The following LRRC4C variants were observed in gnomAD, a reference collection of about 807,000 sequenced individuals.
LRRC4C encodes the protein leucine-rich repeat-containing protein 4C.
In LRRC4C, 5 loss-of-function variants were observed where a neutral mutation model predicts 33.6. The observed-to-expected ratio is 0.15, with a 90% CI of 0.08 to 0.31. The LOEUF is 0.31. Ranked by LOEUF, LRRC4C falls within the 10% of genes least tolerant of loss-of-function variation. The pLI is 1.00. For missense variants in LRRC4C, 560 were observed against 796.7 expected, an observed-to-expected ratio of 0.70 and a Z score of 3.58; for synonymous variants, 329 against 302.0, an observed-to-expected ratio of 1.09 and a Z score of -0.93.
At chr11:41,330,681 C>T (rs1175356616) in intron 1 of LRRC4C, among the ~76,000 whole-genome samples, 1 of 152,110 alleles carries the variant, frequency 6.6e-6, no homozygotes, top group South Asian at 2.1e-4. Context: ...AAGCCATCCT[C>T]CCACCTCAGC....
At chr11:40,190,328 A>G (rs902750059) in intron 5 of LRRC4C, among the ~76,000 whole-genome samples, 3 of 152,218 alleles carry the variant, frequency 2.0e-5, no homozygotes, top group Non-Finnish European at 4.4e-5. Context: ...CAGATAAAAT[A>G]AAATTCTTAG....
chr11:40,946,953 T>C (rs945463245), intron 1 of LRRC4C, among the ~76,000 whole-genome samples: 1 of 152,086 alleles, frequency 6.6e-6, no homozygotes. Context: ...TAGAAATCAA[T>C]ACCAAATAGA....
At chr11:41,399,571 G>A (rs1953949863) in intron 1 of LRRC4C, among the ~76,000 whole-genome samples, 1 of 151,990 alleles carries the variant, frequency 6.6e-6, no homozygotes, top group Admixed American at 6.6e-5. Flanking sequence ...GAATTCCTCA[G>A]CATTGCTGTA....
At chr11:40,401,741 AGTGAAAAGGGT>A (rs907479903) in intron 3 of LRRC4C, among the ~76,000 whole-genome samples, 14 of 152,222 alleles carry the variant, frequency 9.2e-5, no homozygotes, top group African/African-American at 3.4e-4. Flanking sequence ...AAAATAATAA[AGTGAAAAGGGT>A]GTGAAATAAT....
intron 3 of LRRC4C, among the ~76,000 whole-genome samples, chr11:40,587,339 T>C (rs1452834019): frequency 0.011 from 1,622 of 142,882 alleles, 10 homozygotes; most frequent in Non-Finnish European, 0.018. Flanking sequence ...TCCTGAGACT[T>C]TGCTGAAGTT....
intron 3 of LRRC4C, among the ~76,000 whole-genome samples, chr11:40,592,796 C>T (rs1336612015): frequency 1.3e-5 from 2 of 152,188 alleles, no homozygotes; most frequent in African/African-American, 2.4e-5. Context: ...AGGTAAATAG[C>T]AGTCTTATTA....
rs149902527 is a variant in LRRC4C at position 41,002,094 on chromosome 11, G to A, written c.-495-68371C>T. Among the ~76,000 whole-genome samples, 9 of 152,060 alleles carry A rather than the reference G, an allele frequency of 5.9e-5. No homozygotes were observed. The South Asian group carries it at 6.2e-4, about 11-fold the overall frequency. On this transcript the variant is annotated intron_variant, in intron 1 of 6. Transcript: ENST00000528697. ...TGGAGATTTACCTTAATTCTTCTTC[G>A]AAACCCCTTTTTTGTATATGCTGAA...
chr11:40,680,819 T>G (rs1944650080), intron 2 of LRRC4C, among the ~76,000 whole-genome samples: 1 of 152,190 alleles, frequency 6.6e-6, no homozygotes, highest in Non-Finnish European at 1.5e-5. Flanking sequence ...CATAATTTAT[T>G]AAACCCAACA....
chr11:40,626,703 C>T (rs1006147057), intron 3 of LRRC4C, among the ~76,000 whole-genome samples: 5 of 152,268 alleles, frequency 3.3e-5, no homozygotes, highest in Non-Finnish European at 7.3e-5. Context: ...TCCTAATATC[C>T]ATTATCCAAA....
chr11:40,183,687 C>G (rs1181308263), intron 5 of LRRC4C, among the ~76,000 whole-genome samples: 1 of 152,134 alleles, frequency 6.6e-6, no homozygotes, highest in Non-Finnish European at 1.5e-5. Flanking sequence ...GTTGAGCTAA[C>G]AAGAGGAAAA....
intron 6 of LRRC4C, among the ~76,000 whole-genome samples, chr11:40,133,435 A>G (rs1276295463): frequency 6.6e-6 from 1 of 152,212 alleles, no homozygotes; most frequent in East Asian, 1.9e-4. Context: ...CCTAGAGAGT[A>G]ACCAAAAACA....
chr11:40,852,380 T>C (rs1252355574), intron 2 of LRRC4C, among the ~76,000 whole-genome samples: 1 of 152,124 alleles, frequency 6.6e-6, no homozygotes, highest in African/African-American at 2.4e-5. Flanking sequence ...CCACCAATTG[T>C]CTGCAAACTT....
chr11:40,316,568 A>G (rs551713026), intron 4 of LRRC4C, among the ~76,000 whole-genome samples: 1 of 152,010 alleles, frequency 6.6e-6, no homozygotes, highest in Non-Finnish European at 1.5e-5. Flanking sequence ...CAGGCAACAG[A>G]AAATGAAGAG....
chr11:40,680,127 C>T (rs1323746231), intron 2 of LRRC4C, among the ~76,000 whole-genome samples: 2 of 152,176 alleles, frequency 1.3e-5, no homozygotes, highest in African/African-American at 4.8e-5. Context: ...TTTGACTGTC[C>T]TGCTGGATAA....
chr11:41,432,142 T>C (rs1006264197), intron 1 of LRRC4C, among the ~76,000 whole-genome samples: 8 of 152,136 alleles, frequency 5.3e-5, no homozygotes, highest in African/African-American at 1.7e-4. Flanking sequence ...TAGATAATAA[T>C]AGCAAAACAA....
At chr11:40,227,895 A>G in intron 5 of LRRC4C, among the ~76,000 whole-genome samples, 1 of 152,192 alleles carries the variant, frequency 6.6e-6, no homozygotes, top group Non-Finnish European at 1.5e-5. Context: ...AGTGGACATG[A>G]TGCCTGCTAG....
chr11:40,975,768 T>G (rs1245480001), intron 1 of LRRC4C, among the ~76,000 whole-genome samples: 1 of 152,208 alleles, frequency 6.6e-6, no homozygotes, highest in East Asian at 1.9e-4. Flanking sequence ...CAGTTGGGAT[T>G]TGGATCCAGG....
chr11:40,213,364 T>C (rs1462860495), intron 5 of LRRC4C, among the ~76,000 whole-genome samples: 1 of 152,156 alleles, frequency 6.6e-6, no homozygotes, highest in African/African-American at 2.4e-5. Flanking sequence ...CCCGTAGGGA[T>C]ATGTTGTGTG....
chr11:40,277,602 C>A (rs1476886272), intron 4 of LRRC4C, among the ~76,000 whole-genome samples: 1 of 151,926 alleles, frequency 6.6e-6, no homozygotes, highest in African/African-American at 2.4e-5. Context: ...TAAGTAGTCC[C>A]ATGTGAGAGG....
Sources: gnomAD v4.1 joint callset for allele counts (sites outside exome capture counted in the v4.1 genomes callset) on GRCh38, gnomAD v4.1.1 for gene constraint, MANE v1.5 for transcripts, NCBI Gene and HGNC (gene_info 2026-07-23, HGNC 2026-07-21) for gene names.